The following LRRC56 variants were observed in gnomAD, a reference collection of about 807,000 sequenced individuals.
The protein encoded by LRRC56 is leucine rich repeat containing 56.
Under a neutral mutation model 47.8 loss-of-function variants are expected in LRRC56, and 41 were observed. The ratio of observed to expected loss-of-function variants is 0.86; its 90% CI spans 0.67 to 1.11. LRRC56 has a LOEUF of 1.11. LRRC56 is among the 50% of genes most tolerant of loss of function. The pLI is 0.00. For missense variants in LRRC56, 759 were observed against 704.2 expected (o/e 1.08, Z -0.88); for synonymous variants, 387 against 311.2 (o/e 1.24, Z -2.56).
the LRRC56 span, among the ~76,000 whole-genome samples, chr11:518,738 C>T: frequency 6.6e-6 from 1 of 152,294 alleles, no homozygotes; most frequent in South Asian, 2.1e-4. Context: ...CGGAACCGGA[C>T]GCCCAGGAGC....
At chr11:551,450 C>A in intron 9 of LRRC56, 148 bp downstream of exon 9, 1 of 798,534 alleles carries the variant, frequency 1.3e-6, no homozygotes, top group Non-Finnish European at 2.0e-6. Flanking sequence ...GCACACCCGG[C>A]CCCAGGCCAG....
At chr11:524,209 G>A in the LRRC56 span, among the ~76,000 whole-genome samples, 2 of 152,184 alleles carry the variant, frequency 1.3e-5, no homozygotes, top group African/African-American at 2.4e-5. Context: ...GAGTGACAGC[G>A]TGAGGCCAGC....
upstream of LRRC56, chr11:533,224 C>A: frequency 1.4e-6 from 2 of 1,461,882 alleles, no homozygotes; most frequent in South Asian, 1.2e-5. Context: ...AGGGCGTGAG[C>A]CCAGACCCCG....
the LRRC56 span, among the ~76,000 whole-genome samples, chr11:531,578 C>T: frequency 2.0e-5 from 3 of 152,130 alleles, no homozygotes; most frequent in African/African-American, 4.8e-5. Flanking sequence ...ATGAGGCAGG[C>T]GTGGGGCAAG....
chr11:511,151 C>T, the LRRC56 span, among the ~76,000 whole-genome samples: 2 of 151,252 alleles, frequency 1.3e-5, no homozygotes. Context: ...AAAACCGCGT[C>T]TCTACTAAAA....
upstream of LRRC56, chr11:533,680 AGAGGACAG>A: frequency 6.2e-7 from 1 of 1,611,420 alleles, no homozygotes; most frequent in Non-Finnish European, 8.5e-7. Flanking sequence ...ACATGCGCAG[AGAGGACAG>A]GAGGCCCCTG....
At chr11:509,429 C>T in the LRRC56 span, among the ~76,000 whole-genome samples, 1 of 152,218 alleles carries the variant, frequency 6.6e-6, no homozygotes. Flanking sequence ...CCTTTTGTGA[C>T]ACCTTGTGGG....
At chr11:552,454 G>A in intron 12 of LRRC56, 115 bp from the exon 13 acceptor site, 1 of 1,214,010 alleles carries the variant, frequency 8.2e-7, no homozygotes, top group Non-Finnish European at 1.2e-6. Flanking sequence ...GGGGGATCAG[G>A]GCTGGGGCTA....
At chr11:516,847 TTCTCCC>T in the LRRC56 span, among the ~76,000 whole-genome samples, 91 of 152,302 alleles carry the variant, frequency 6.0e-4, 3 homozygotes, top group East Asian at 0.012. Flanking sequence ...AATTATTTTT[TTCTCCC>T]TCTCCCTCTC....
the LRRC56 span, among the ~76,000 whole-genome samples, chr11:531,160 CCTGGAGAGAAGGGCGAGTGTGGTGTTCG>C: frequency 3.3e-3 from 498 of 150,770 alleles, 5 homozygotes; most frequent in African/African-American, 0.011. Flanking sequence ...TGTGGCGTCC[CCTGGAGAGAAGGGCGAGTGTGGTGTTCG>C]CTGGAGAGAA....
chr11:533,197 T>C, upstream of LRRC56: 2 of 1,275,042 alleles, frequency 1.6e-6, no homozygotes, highest in Non-Finnish European at 2.2e-6. Flanking sequence ...CCCGGAGCTG[T>C]GTCGGCCCAG....
Position 552,160 on chromosome 11 carries a change from A to G in LRRC56, c.1109A>G (p.Glu370Gly), listed in dbSNP as rs934944767. The change falls in exon 12 of 14, where the codon GAG becomes GGG. Residue 370 changes from glutamate to glycine, a missense_variant. Transcript: ENST00000270115. ...CCGGCCGCCAGCACTTCCACCCCAG[A>G]GCCTGACCCTGCAGACAGCTCTGAC... ...GDPAASTSTP[E>G]PDPADSSDFL... The G allele has an allele frequency of 1.9e-5, 30 of 1,612,566 alleles. No individual in the cohort carries two copies. In the Admixed American group the frequency reaches 3.0e-4, roughly 16 times the overall value.
chr11:525,830 G>T, the LRRC56 span, among the ~76,000 whole-genome samples: 3 of 152,144 alleles, frequency 2.0e-5, no homozygotes, highest in African/African-American at 7.2e-5. Context: ...AGCCAGGCAG[G>T]TTGAGGCTGC....
rs959550574 is a variant in LRRC56, at chr11:539,375, G to A, written c.-158-205G>A. Among the ~76,000 whole-genome samples the A allele has an allele frequency of 2.6e-4, 33 of 129,238 alleles. No homozygotes were observed. The Middle Eastern group carries it at 0.016, about 61-fold the overall frequency. 84.8% of individuals were successfully genotyped at this position (129,238 alleles called of 152,430 possible). A position where few individuals can be genotyped will look rare whatever the true frequency, so the allele number is the denominator to read the frequency against. On this transcript the variant is annotated intron_variant, in intron 2 of 13. Transcript: ENST00000270115. The stretch of plus-strand genomic sequence containing the variant: ...GCTGGGATTACAGGTGTGAGCCACC[G>A]CACCCAGCCTTTTTTTTTTTTTTTT...
chr11:510,487 C>T, the LRRC56 span, among the ~76,000 whole-genome samples: 1 of 152,202 alleles, frequency 6.6e-6, no homozygotes, highest in Non-Finnish European at 1.5e-5. Flanking sequence ...CCTGTAATCC[C>T]AGCATGTTGG....
chr11:554,382 G>C lies in LRRC56; in HGVS notation c.*106G>C. On this transcript the variant is annotated 3_prime_UTR_variant, in exon 14 of 14. Coordinates refer to ENST00000270115, the MANE Select transcript of LRRC56 (RefSeq NM_198075.4). ...GCGGGTGTGTTGGGGGGTGGAAGGA[G>C]TGCCTGGCCCTGGGGAGGACCCTCT... The C allele has an allele frequency of 9.6e-7, 1 of 1,046,860 alleles. No individual in the cohort carries two copies. The allele number at this position is 1,046,860 out of a possible 1,614,324, so 64.8% of individuals were successfully genotyped here.
upstream of LRRC56, chr11:534,538 G>A (rs920746073): frequency 2.9e-5 from 17 of 596,392 alleles, no homozygotes; most frequent in Admixed American, 3.0e-5. Flanking sequence ...GCAACCCAGC[G>A]TGCGGGAGGG....
Position 552,124 on chromosome 11 carries a change from G to A in LRRC56, c.1073G>A (p.Arg358Lys), listed in dbSNP as rs1378774525. The A allele has an allele frequency of 1.2e-6, 2 of 1,612,462 alleles. No individual in the cohort carries two copies. The highest frequency in any genetic ancestry group is 2.7e-5 in the African/African-American group (2 of 74,912). ...CCCCCCGAGCAGCTGCCCCAACACA[G>A]GCCAGGAGATCCGGCCGCCAGCACT... Reference protein sequence around the residue: ...REPPEQLPQHRPGDPAASTST... With the variant: ...REPPEQLPQHKPGDPAASTST... The change falls in exon 12 of 14, where the codon AGG becomes AAG. Residue 358 changes from arginine (R) to lysine (K), a missense_variant. Arg to Lys is a conservative substitution (Grantham distance 26). Coordinates refer to ENST00000270115, the MANE Select transcript of LRRC56 (RefSeq NM_198075.4).
At chr11:535,648 G>GT (rs1374181094), upstream of LRRC56, 1 of 151,908 alleles carries the variant, frequency 6.6e-6, no homozygotes, top group Non-Finnish European at 1.5e-5. Flanking sequence ...ATCGGGCCCC[G>GT]CCCCACCCCG....
Sources: gnomAD v4.1 joint callset for allele counts (sites outside exome capture counted in the v4.1 genomes callset) on GRCh38, gnomAD v4.1.1 for gene constraint, MANE v1.5 for transcripts, NCBI Gene and HGNC (gene_info 2026-07-23, HGNC 2026-07-21) for gene names.